Variants in TRPS1 observed in about 807,000 individuals in gnomAD.
TRPS1 encodes the protein transcriptional repressor GATA binding 1, also known as zinc finger transcription factor Trps1.
TRPS1 carries 6 observed loss-of-function variants against 101.2 expected under a neutral mutation model. That is an observed-to-expected ratio of 0.06 (90% CI 0.03 to 0.12). The LOEUF is 0.12. TRPS1 is among the 10% of genes least tolerant of loss of function. The pLI is 1.00. For synonymous variants in TRPS1, 578 were observed against 589.8 expected (o/e 0.98, Z 0.29); for missense variants, 1,363 against 1,567.0 (o/e 0.87, Z 2.20).
intron 4 of TRPS1, among the ~76,000 whole-genome samples, chr8:115,603,670 A>C (rs1018233271): frequency 6.6e-6 from 1 of 152,198 alleles, no homozygotes; most frequent in African/African-American, 2.4e-5. Flanking sequence ...GTCCAAAAGA[A>C]GGAACCAAAT....
chr8:115,565,683 C>T (rs1031858022), intron 5 of TRPS1, among the ~76,000 whole-genome samples: 12 of 151,628 alleles, frequency 7.9e-5, no homozygotes, highest in Non-Finnish European at 1.8e-4. Flanking sequence ...TGGTGGAAAA[C>T]GTAAAGTTGT....
chr8:115,486,898 G>A (rs1814894954), intron 5 of TRPS1, among the ~76,000 whole-genome samples: 1 of 152,194 alleles, frequency 6.6e-6, no homozygotes, highest in Non-Finnish European at 1.5e-5. Flanking sequence ...CGAAGCTGTA[G>A]GAAAGGTGAT....
At position 115,551,396 on chromosome 8, in the gene TRPS1, T is replaced by C. The variant is rs531787506; in HGVS notation, c.2700+35605A>G. On this transcript the variant is annotated intron_variant, in intron 5 of 6. Transcript: ENST00000395715. ...CTCAAGTTGTGATAAATATAAATTC[T>C]ATACTTATGATGTAGTGTTTTCCTC... 9.8e-5 allele frequency among the ~76,000 whole-genome samples: 15 copies of C among 152,346 alleles called. No homozygotes were observed. The South Asian group carries it at 1.7e-3, about 17-fold the overall frequency.
In TRPS1 at chr8:115,587,062, G is replaced by C; in HGVS notation, c.2639C>G (p.Pro880Arg). Reference sequence around the variant, plus strand: ...TTCTCCCGATGCAGGATACTGCTGGGGGAGGGCCCCAGACTTCTCTCCGCC... The same window carrying C: ...TTCTCCCGATGCAGGATACTGCTGGCGGAGGGCCCCAGACTTCTCTCCGCC... ...PAGGEKSGAL[P>R]QQYPASGENK... Residue 880 changes from proline (P) to arginine (R), a missense_variant, in exon 5 of 7, where the codon CCC becomes CGC. By Grantham distance (103) the Pro-to-Arg change is moderately radical. Coordinates refer to ENST00000395715, the MANE Select transcript of TRPS1 (RefSeq NM_014112.5). The C allele has an allele frequency of 6.2e-7, 1 of 1,614,186 alleles. No homozygotes were observed. Among genetic ancestry groups the C allele is most frequent in the Non-Finnish European group, 8.5e-7 (1 of 1,180,024 alleles).
chr8:115,481,767 C>A (rs1352819271), intron 5 of TRPS1, among the ~76,000 whole-genome samples: 4 of 152,132 alleles, frequency 2.6e-5, no homozygotes, highest in Admixed American at 1.3e-4. Flanking sequence ...GTTTTTCCCC[C>A]CTCTGAGTTT....
intron 5 of TRPS1, among the ~76,000 whole-genome samples, chr8:115,459,230 A>G (rs1814103586): frequency 6.6e-6 from 1 of 152,052 alleles, no homozygotes; most frequent in Non-Finnish European, 1.5e-5. Flanking sequence ...TCCCAGCTAC[A>G]GAAGAATGGT....
chr8:115,476,541 T>A (rs879359141), intron 5 of TRPS1, among the ~76,000 whole-genome samples: 28 of 152,184 alleles, frequency 1.8e-4, no homozygotes, highest in Admixed American at 8.5e-4. Context: ...CTATTCAACA[T>A]ATAGCCTGTG....
chr8:115,482,444 T>G (rs1223654484), intron 5 of TRPS1, among the ~76,000 whole-genome samples: 1 of 152,190 alleles, frequency 6.6e-6, no homozygotes, highest in Non-Finnish European at 1.5e-5. Flanking sequence ...CTTATTTCAA[T>G]TACTACGAAT....
intron 5 of TRPS1, among the ~76,000 whole-genome samples, chr8:115,560,016 C>T (rs989074475): frequency 3.9e-5 from 6 of 152,086 alleles, no homozygotes; most frequent in Admixed American, 3.3e-4. Flanking sequence ...GAATGAGTTG[C>T]TTATACTTTA....
intron 5 of TRPS1, among the ~76,000 whole-genome samples, chr8:115,541,437 T>C (rs920475121): frequency 2.6e-5 from 4 of 152,232 alleles, no homozygotes; most frequent in Non-Finnish European, 5.9e-5. Flanking sequence ...TTTTCACTGG[T>C]TATGCCAAGG....
At chr8:115,530,564 C>A (rs758165558) in intron 5 of TRPS1, among the ~76,000 whole-genome samples, 5 of 152,028 alleles carry the variant, frequency 3.3e-5, no homozygotes, top group African/African-American at 4.8e-5. Flanking sequence ...GCAGTAATTA[C>A]AGGAGAAACA....
chr8:115,638,477 C>T (rs966877886), intron 1 of TRPS1, among the ~76,000 whole-genome samples: 4 of 152,094 alleles, frequency 2.6e-5, no homozygotes, highest in South Asian at 4.2e-4. Flanking sequence ...GCCAACACTG[C>T]CTTTAAGGCC....
chr8:115,623,064 T>G (rs1818431920), intron 2 of TRPS1, among the ~76,000 whole-genome samples: 2 of 152,132 alleles, frequency 1.3e-5, no homozygotes, highest in Admixed American at 1.3e-4. Flanking sequence ...GCATCTTTAG[T>G]GGCTGGGAGA....
At chr8:115,662,449 T>A (rs1213541111) in intron 1 of TRPS1, among the ~76,000 whole-genome samples, 1 of 151,998 alleles carries the variant, frequency 6.6e-6, no homozygotes, top group Non-Finnish European at 1.5e-5. Flanking sequence ...GTCGAAACAG[T>A]ACTTAGTTCT....
chr8:115,562,424 G>A (rs1816967084), intron 5 of TRPS1, among the ~76,000 whole-genome samples: 1 of 150,040 alleles, frequency 6.7e-6, no homozygotes, highest in Non-Finnish European at 1.5e-5. Flanking sequence ...ATTCAAATCT[G>A]TAATTGGAAT....
intron 5 of TRPS1, among the ~76,000 whole-genome samples, chr8:115,475,305 T>TATATATATATATATATATATATATA (rs1586311392): frequency 6.9e-6 from 1 of 145,008 alleles, no homozygotes; most frequent in African/African-American, 2.6e-5. Context: ...TATATATATA[T>TATATATATATATATATATATATATA]TTGTTATCAG....
chr8:115,419,267 A>G (rs1812995003), intron 5 of TRPS1, among the ~76,000 whole-genome samples: 1 of 152,108 alleles, frequency 6.6e-6, no homozygotes, highest in African/African-American at 2.4e-5. Context: ...TGCTTGTTCC[A>G]TTCTTGCTAT....
intron 5 of TRPS1, among the ~76,000 whole-genome samples, chr8:115,543,615 AT>A (rs1407042959): frequency 1.2e-5 from 1 of 85,830 alleles, no homozygotes; most frequent in Non-Finnish European, 2.2e-5. Context: ...TGATGTCCTC[AT>A]TTTTTCTTCT....
intron 5 of TRPS1, among the ~76,000 whole-genome samples, chr8:115,526,001 T>C (rs1815986949): frequency 6.6e-6 from 1 of 152,100 alleles, no homozygotes; most frequent in South Asian, 2.1e-4. Context: ...GGGCAATAAA[T>C]TATTTGCAAA....
Sources: gnomAD v4.1 joint callset for allele counts (sites outside exome capture counted in the v4.1 genomes callset) on GRCh38, gnomAD v4.1.1 for gene constraint, MANE v1.5 for transcripts, NCBI Gene and HGNC (gene_info 2026-07-23, HGNC 2026-07-21) for gene names.